Variants in SDK1 observed in about 807,000 individuals in gnomAD.
SDK1 encodes sidekick cell adhesion molecule 1.
In SDK1, 157 loss-of-function variants were observed where a neutral mutation model predicts 245.5. The observed-to-expected ratio is 0.64, with a 90% CI of 0.56 to 0.73. The LOEUF (loss-of-function observed/expected upper bound fraction) is 0.73. SDK1 is among the 30% of genes least tolerant of loss of function. The probability of loss-of-function intolerance (pLI) is 0.00; values close to 1 mark genes in which losing one functional copy is unlikely to be tolerated. For missense variants in SDK1, 3,583 were observed against 3,002.3 expected (o/e 1.19, Z -4.52); for synonymous variants, 1,647 against 1,278.5 (o/e 1.29, Z -6.15).
chr7:4,189,054 C>CT (rs1783045351), intron 35 of SDK1, among the ~76,000 whole-genome samples: 1 of 120,388 alleles, frequency 8.3e-6, no homozygotes, highest in African/African-American at 3.7e-5. Context: ...TTGGCAAGTT[C>CT]TTAAAAAAAA....
intron 1 of SDK1, among the ~76,000 whole-genome samples, chr7:3,478,990 C>G (rs746126280): frequency 1.3e-5 from 2 of 151,958 alleles, no homozygotes; most frequent in Non-Finnish European, 2.9e-5. Flanking sequence ...TTTTGAAATA[C>G]TGATTTCTAA....
intron 44 of SDK1, among the ~76,000 whole-genome samples, chr7:4,251,288 T>A (rs1261640725): frequency 5.3e-5 from 8 of 152,278 alleles, no homozygotes; most frequent in Admixed American, 2.6e-4. Context: ...GCACACAACA[T>A]CCTCATGACT....
chr7:3,574,423 C>G (rs749205905), intron 1 of SDK1, among the ~76,000 whole-genome samples: 6 of 152,006 alleles, frequency 3.9e-5, no homozygotes, highest in Non-Finnish European at 7.4e-5. Context: ...GCTCACATAC[C>G]TCATTTGACC....
intron 7 of SDK1, chr7:3,952,163 A>G (rs1033102824): frequency 1.9e-6 from 1 of 513,490 alleles, no homozygotes; most frequent in East Asian, 3.7e-5. Context: ...CTCCAGTCAC[A>G]AAGCTCGGGA....
At chr7:3,530,081 C>G (rs1026195100) in intron 1 of SDK1, among the ~76,000 whole-genome samples, 1 of 152,114 alleles carries the variant, frequency 6.6e-6, no homozygotes, top group African/African-American at 2.4e-5. Context: ...TAAAGACTCT[C>G]AAAAAGTATA....
chr7:3,733,304 A>T (rs1779231157), intron 4 of SDK1, among the ~76,000 whole-genome samples: 1 of 152,228 alleles, frequency 6.6e-6, no homozygotes, highest in Non-Finnish European at 1.5e-5. Flanking sequence ...CAGATACTAT[A>T]ATTGGGAAGC....
chr7:3,982,842 A>C (rs1783520695), intron 13 of SDK1, among the ~76,000 whole-genome samples: 3 of 151,842 alleles, frequency 2.0e-5, no homozygotes. Context: ...AACATCTCAA[A>C]AAAAAAAAAA....
chr7:3,723,925 TATATATATATATATATATAGAG>T (rs1778921145), intron 4 of SDK1, among the ~76,000 whole-genome samples: 1 of 77,670 alleles, frequency 1.3e-5, no homozygotes, highest in Non-Finnish European at 2.5e-5. Flanking sequence ...TATATACACG[TATATATATATATATATATAGAG>T]AGAGAGAGAG....
intron 13 of SDK1, among the ~76,000 whole-genome samples, chr7:3,984,046 T>G (rs1783626144): frequency 6.6e-6 from 1 of 152,212 alleles, no homozygotes; most frequent in South Asian, 2.1e-4. Context: ...AAAATCTTTT[T>G]ACATCCCTCA....
intron 4 of SDK1, among the ~76,000 whole-genome samples, chr7:3,782,094 C>G (rs1780763750): frequency 6.6e-6 from 1 of 152,154 alleles, no homozygotes; most frequent in Non-Finnish European, 1.5e-5. Flanking sequence ...ATACCCAAGA[C>G]TGGGTAATTT....
intron 22 of SDK1, among the ~76,000 whole-genome samples, chr7:4,098,522 C>T (rs1227677197): frequency 6.6e-6 from 1 of 151,978 alleles, no homozygotes; most frequent in Admixed American, 6.5e-5. Context: ...TATTAAGCAC[C>T]TACTGTTTTA....
At chr7:3,340,488 T>C (rs11974620) in intron 1 of SDK1, among the ~76,000 whole-genome samples, 90,877 of 151,994 alleles carry the variant, frequency 0.6, 28,161 homozygotes, top group African/African-American at 0.78. Context: ...ATTGGCCAGG[T>C]ATGGTGGCTC....
At chr7:4,049,550 A>T (rs1044371273) in intron 18 of SDK1, 87 bp downstream of exon 18, 1 of 974,246 alleles carries the variant, frequency 1.0e-6, no homozygotes, top group Non-Finnish European at 1.6e-6. Flanking sequence ...CCTCTTGTGT[A>T]TCAAGAGCTG....
chr7:4,158,119 C>G (rs1159928687), intron 30 of SDK1, among the ~76,000 whole-genome samples: 2 of 152,156 alleles, frequency 1.3e-5, no homozygotes, highest in African/African-American at 4.8e-5. Flanking sequence ...GAGCCCTGAG[C>G]AGAATCTTCC....
intron 5 of SDK1, among the ~76,000 whole-genome samples, chr7:3,910,721 G>A (rs764794876): frequency 2.0e-5 from 3 of 152,164 alleles, no homozygotes; most frequent in Non-Finnish European, 2.9e-5. Context: ...GTTAATTTCT[G>A]GAATTCAGGT....
intron 1 of SDK1, among the ~76,000 whole-genome samples, chr7:3,490,442 A>G (rs1338522785): frequency 1.3e-5 from 2 of 152,188 alleles, no homozygotes; most frequent in African/African-American, 4.8e-5. Flanking sequence ...ATAAGTATTT[A>G]TTGAGTGCCT....
At chr7:3,522,540 C>CCTTCAG (rs143618572) in intron 1 of SDK1, among the ~76,000 whole-genome samples, 15,438 of 151,892 alleles carry the variant, frequency 0.1, 1,030 homozygotes, top group African/African-American at 0.19. Context: ...CTTGGGTGCC[C>CCTTCAG]CTTCAGCTTA....
chr7:4,262,782 CCT>C (rs1158085356), intron 44 of SDK1, among the ~76,000 whole-genome samples: 1 of 92,062 alleles, frequency 1.1e-5, no homozygotes, highest in East Asian at 3.8e-4. Context: ...ACCTCCACCC[CCT>C]CTCCTCCCCT....
At chr7:3,322,054 T>G (rs971216727) in intron 1 of SDK1, among the ~76,000 whole-genome samples, 1 of 150,950 alleles carries the variant, frequency 6.6e-6, no homozygotes, top group African/African-American at 2.4e-5. Context: ...TCGAGTGAAC[T>G]ATTTTAAAGT....
Sources: allele counts gnomAD v4.1 joint callset (sites outside exome capture counted in the v4.1 genomes callset), GRCh38; gene constraint gnomAD v4.1.1; transcripts MANE v1.5; gene names NCBI Gene and HGNC (gene_info 2026-07-23, HGNC 2026-07-21).